TAOK3: variants seen among roughly 807,000 people sequenced by gnomAD.
TAOK3 encodes serine/threonine-protein kinase TAO3.
A neutral mutation model predicts 120.4 loss-of-function variants in TAOK3; 40 were observed. The observed-to-expected ratio is 0.33, with a 90% CI of 0.26 to 0.43. The LOEUF is 0.43. Ranked by LOEUF, TAOK3 falls within the 20% of genes least tolerant of loss-of-function variation. TAOK3 has a pLI of 1.00. For synonymous variants in TAOK3, 355 were observed against 387.5 expected (o/e 0.92, Z 0.99); for missense variants, 821 against 1,112.1 (o/e 0.74, Z 3.72).
intron 1 of TAOK3, among the ~76,000 whole-genome samples, chr12:118,369,004 GAAAAAAAA>G (rs975694288): frequency 4.3e-5 from 3 of 69,378 alleles, no homozygotes; most frequent in Admixed American, 1.8e-4. Context: ...ACTAAAAATA[GAAAAAAAA>G]AAAAAAAAAA....
chr12:118,181,225 C>T (rs1228760688), intron 15 of TAOK3, 146 bp downstream of exon 15: 2 of 665,678 alleles, frequency 3.0e-6, no homozygotes, highest in Middle Eastern at 4.2e-4. Flanking sequence ...TTTACATAGC[C>T]CTATAAAATC....
intron 3 of TAOK3, among the ~76,000 whole-genome samples, chr12:118,253,574 C>T (rs1181064113): frequency 1.3e-5 from 2 of 150,590 alleles, no homozygotes; most frequent in African/African-American, 4.9e-5. Flanking sequence ...CCCATCTCTA[C>T]AAAAATACAA....
intron 1 of TAOK3, among the ~76,000 whole-genome samples, chr12:118,303,250 T>C (rs1388968544): frequency 6.6e-6 from 1 of 152,222 alleles, no homozygotes; most frequent in African/African-American, 2.4e-5. Context: ...CCTCTGTTTT[T>C]TTGCTTCACA....
At chr12:118,174,782 A>G (rs1339983771) in intron 16 of TAOK3, among the ~76,000 whole-genome samples, 1 of 151,616 alleles carries the variant, frequency 6.6e-6, no homozygotes, top group African/African-American at 2.4e-5. Flanking sequence ...TCCTGCCTCA[A>G]CCTCCTGAGT....
intron 14 of TAOK3, among the ~76,000 whole-genome samples, chr12:118,183,233 A>G (rs1176844080): frequency 1.3e-5 from 2 of 152,136 alleles, no homozygotes; most frequent in Non-Finnish European, 2.9e-5. Flanking sequence ...TACAAAGAAG[A>G]GTTTGTTTCT....
Position 118,161,717 on chromosome 12 carries a change from A to G in TAOK3, c.2139+71T>C, listed in dbSNP as rs2035231018. On this transcript the variant is annotated intron_variant, in intron 18 of 20. Coordinates refer to ENST00000392533, the MANE Select transcript of TAOK3 (RefSeq NM_016281.4). The surrounding 1 kb of genome is among the most constrained non-coding windows in gnomAD (Gnocchi z 4.5). The stretch of plus-strand genomic sequence containing the variant: ...AATTTGTGATTCTGAAAAGTTGCTC[A>G]GGTGACTCTGACACTTCAGGTAGAG... The G allele has an allele frequency of 3.2e-6, 5 of 1,574,558 alleles. No individual in the cohort carries two copies. The highest frequency in any genetic ancestry group is 4.3e-6 in the Non-Finnish European group (5 of 1,156,554).
chr12:118,367,132 A>T (rs2036314), intron 1 of TAOK3, among the ~76,000 whole-genome samples: 29,820 of 152,168 alleles, frequency 0.2, 2,917 homozygotes, highest in East Asian at 0.26. Context: ...AACATGTTTA[A>T]TTGTGAGACA....
chr12:118,182,623 A>ATATATTTTTT (rs371125415), intron 14 of TAOK3, among the ~76,000 whole-genome samples: 22 of 92,386 alleles, frequency 2.4e-4, no homozygotes, highest in African/African-American at 1.0e-3. Flanking sequence ...ATATATATAT[A>ATATATTTTTT]TTTTTTTTTT....
chr12:118,227,204 T>C (rs1054019879), intron 9 of TAOK3, among the ~76,000 whole-genome samples: 10 of 150,380 alleles, frequency 6.6e-5, no homozygotes, highest in African/African-American at 2.4e-4. Flanking sequence ...CTCAGTGTTA[T>C]AAGGAAAATT....
At chr12:118,242,637 A>T (rs2040302301) in intron 5 of TAOK3, among the ~76,000 whole-genome samples, 1 of 152,184 alleles carries the variant, frequency 6.6e-6, no homozygotes, top group Non-Finnish European at 1.5e-5. Flanking sequence ...AGGCAGGTGG[A>T]TCACCTGAGG....
rs1468768469 is a variant in TAOK3 at position 118,347,528 on chromosome 12, C to A, written c.-194+25120G>T. 2.0e-5 allele frequency among the ~76,000 whole-genome samples: 3 copies of A among 152,170 alleles called. No homozygotes were observed. In the East Asian group the frequency reaches 5.8e-4, roughly 29 times the overall value. ...AGCTCCAGCCTCCTCATTTCCAAGT[C>A]CAACAGGAGTCCTCTCAGGTCATAT... On this transcript the variant is annotated intron_variant, in intron 1 of 20. Coordinates refer to ENST00000392533, the MANE Select transcript of TAOK3 (RefSeq NM_016281.4).
intron 8 of TAOK3, among the ~76,000 whole-genome samples, chr12:118,234,231 T>TTTTTTTC (rs2039919542): frequency 8.6e-6 from 1 of 115,722 alleles, no homozygotes; most frequent in African/African-American, 3.3e-5. Flanking sequence ...TTTTTTTTTT[T>TTTTTTTC]TTTTTTTTTT....
intron 11 of TAOK3, among the ~76,000 whole-genome samples, chr12:118,210,329 A>G (rs551193778): frequency 1.3e-5 from 2 of 152,314 alleles, no homozygotes; most frequent in African/African-American, 4.8e-5. Context: ...CTGCCTTTAT[A>G]ATTTAAGAAC....
intron 1 of TAOK3, among the ~76,000 whole-genome samples, chr12:118,356,373 C>T (rs2045394966): frequency 6.8e-6 from 1 of 147,810 alleles, no homozygotes; most frequent in African/African-American, 2.5e-5. Context: ...AATCTCAGCT[C>T]ACCGCAACCT....
intron 9 of TAOK3, among the ~76,000 whole-genome samples, chr12:118,232,553 T>A (rs1008681192): frequency 9.9e-5 from 15 of 152,220 alleles, no homozygotes; most frequent in Non-Finnish European, 2.1e-4. Flanking sequence ...TATATTACTA[T>A]GTGCTATTTT....
At chr12:118,170,200 A>C (rs2035913244) in intron 17 of TAOK3, among the ~76,000 whole-genome samples, 1 of 151,508 alleles carries the variant, frequency 6.6e-6, no homozygotes, top group African/African-American at 2.4e-5. Flanking sequence ...TGCCCCTATA[A>C]GGAGGCTTTC....
At position 118,276,820 on chromosome 12, in the gene TAOK3, C is replaced by T. The variant is rs56319724; in HGVS notation, c.-193-10061G>A. Among the ~76,000 whole-genome samples, 981 of 152,264 alleles carry T rather than the reference C, an allele frequency of 6.4e-3. 13 individuals are homozygous for T. Among genetic ancestry groups the T allele is most frequent in the African/African-American group, 0.022 (927 of 41,562 alleles). Reference sequence around the variant, plus strand: ...AGGAGTTCGAGACCAACCTGGCCAACATGGTAAAACCCCGTGTCTACTAAA... The same window carrying T: ...AGGAGTTCGAGACCAACCTGGCCAATATGGTAAAACCCCGTGTCTACTAAA... On this transcript the variant is annotated intron_variant, in intron 1 of 20. Transcript: ENST00000392533.
chr12:118,326,128 A>C (rs2043926027), intron 1 of TAOK3, among the ~76,000 whole-genome samples: 1 of 152,174 alleles, frequency 6.6e-6, no homozygotes, highest in African/African-American at 2.4e-5. Context: ...TTCTTTTAGT[A>C]GTTTCACAGT....
chr12:118,351,775 G>A (rs1340561682), intron 1 of TAOK3, among the ~76,000 whole-genome samples: 1 of 151,484 alleles, frequency 6.6e-6, no homozygotes, highest in Non-Finnish European at 1.5e-5. Context: ...AACACAGCAG[G>A]CACTTAATTG....
Sources: allele counts gnomAD v4.1 joint callset (sites outside exome capture counted in the v4.1 genomes callset), GRCh38; gene constraint gnomAD v4.1.1; non-coding constraint Gnocchi (gnomAD v3.1); transcripts MANE v1.5; gene names NCBI Gene and HGNC (gene_info 2026-07-23, HGNC 2026-07-21).